KLRC2: variants seen among roughly 807,000 people sequenced by gnomAD.
KLRC2 encodes NKG2-C type II integral membrane protein.
Under a neutral mutation model 25.5 loss-of-function variants are expected in KLRC2, and 10 were observed. That is an observed-to-expected ratio of 0.39 (90% confidence interval 0.24 to 0.67). The LOEUF is 0.67. Ranked by LOEUF, KLRC2 falls within the 30% of genes least tolerant of loss-of-function variation. KLRC2 has a pLI of 0.45. For missense variants in KLRC2, 170 were observed against 272.8 expected, an observed-to-expected ratio of 0.62 and a Z score of 2.65; for synonymous variants, 48 against 93.3, an observed-to-expected ratio of 0.51 and a Z score of 2.80.
At position 10,431,175 on chromosome 12, in the gene KLRC2, C is replaced by G. The variant is rs1321981788; in HGVS notation, c.638G>C (p.Arg213Pro). Residue 213 changes from arginine (R) to proline (P), a missense_variant, in exon 6 of 6, where the codon CGA becomes CCA. Arg to Pro is a moderately radical substitution (Grantham distance 103). Transcript: ENST00000381902. The part of the protein sequence containing the change: ...ELNCAVLQVN[R>P]LKSAQCGSSM... Reference sequence around the variant, plus strand: ...AGATCCACACTGGGCTGATTTAAGTCGATTTACTTGTAGCACTGCACAGTT... The same window carrying G: ...AGATCCACACTGGGCTGATTTAAGTGGATTTACTTGTAGCACTGCACAGTT... 2 of 1,549,254 alleles carry G rather than the reference C, an allele frequency of 1.3e-6. No homozygotes were observed. The highest frequency in any genetic ancestry group is 1.8e-6 in the Non-Finnish European group (2 of 1,134,984).
At chr12:10,433,572 C>T (rs1307963747) in intron 4 of KLRC2, among the ~76,000 whole-genome samples, 6 of 141,934 alleles carry the variant, frequency 4.2e-5, no homozygotes, top group African/African-American at 1.3e-4. Context: ...ATTCAAAGCA[C>T]TTATAGAAGC....
At chr12:10,434,143 T>A in intron 3 of KLRC2, 1 of 921,788 alleles carries the variant, frequency 1.1e-6, no homozygotes, top group Admixed American at 2.3e-5. Flanking sequence ...CTAATTGTGT[T>A]CCCATATAAA....
intron 4 of KLRC2, among the ~76,000 whole-genome samples, chr12:10,432,657 A>T (rs1176021934): frequency 7.3e-6 from 1 of 137,858 alleles, no homozygotes; most frequent in African/African-American, 2.8e-5. Context: ...TTTTTATCCG[A>T]TTCGGTTTTT....
chr12:10,435,856 T>C lies in KLRC2; in HGVS notation c.131A>G (p.Asn44Ser), dbSNP rs574094142. The change falls in exon 1 of 6, where the codon AAT (asparagine) becomes AGT (serine). Residue 44 changes from asparagine (N) to serine (S), a missense_variant. Around this residue, in one of 3 missense-constraint regions of KLRC2, gnomAD observed 37 missense variants for 68.0 expected, o/e 0.54. Coordinates refer to ENST00000381902, the MANE Select transcript of KLRC2 (RefSeq NM_002260.4). The part of the protein sequence containing the change: ...TEQEIFQVEL[N>S]LQNPSLNHQG... ...ATGATTCAGGGAAGGATTTTGAAGA[T>C]TTAATTCTACTTGGAATATTTCCTG... 1 of 1,556,492 alleles carries C rather than the reference T, an allele frequency of 6.4e-7. No individual in the cohort carries two copies. The highest frequency in any genetic ancestry group is 8.8e-7 in the Non-Finnish European group (1 of 1,139,636).
intron 3 of KLRC2, 179 bp from the exon 4 acceptor site, chr12:10,434,121 A>C: frequency 9.5e-7 from 1 of 1,052,424 alleles, no homozygotes; most frequent in Non-Finnish European, 1.4e-6. Flanking sequence ...GACAAGGGTT[A>C]GCCTCTCCTC....
At chr12:10,434,036 T>G in intron 3 of KLRC2, 94 bp from the exon 4 acceptor site, 5 of 1,448,814 alleles carry the variant, frequency 3.5e-6, no homozygotes, top group Non-Finnish European at 4.7e-6. Flanking sequence ...TATATGTGCT[T>G]AACATATTTA....
rs769467296 is a variant in KLRC2, at chr12:10,433,360, T to C, written c.483+431A>G. 1.3e-4 allele frequency among the ~76,000 whole-genome samples: 18 copies of C among 142,248 alleles called. 5 individuals are homozygous for C. Among genetic ancestry groups the C allele is most frequent in the Non-Finnish European group, 2.2e-4 (14 of 64,870 alleles). 93.3% of individuals were successfully genotyped at this position (142,248 alleles called of 152,430 possible). On this transcript the variant is annotated intron_variant, in intron 4 of 5. Coordinates refer to ENST00000381902, the MANE Select transcript of KLRC2 (RefSeq NM_002260.4). ...AAATTCAAGAACAGGCAATCATTAT[T>C]TATAATATTAAAAGTCAAGACTGCG...
rs143264024 is a variant in KLRC2 at position 10,434,494 on chromosome 12, G to T, written c.323C>A (p.Thr108Lys). 1.3e-6 allele frequency: 2 copies of T among 1,572,540 alleles called. No homozygotes were observed. The highest frequency in any genetic ancestry group is 2.2e-5 in the South Asian group (2 of 90,312). The change falls in exon 3 of 6, where the codon ACG becomes AAG. Residue 108 changes from threonine (T) to lysine (K), a missense_variant. Physicochemically the swap from Thr to Lys is moderately conservative, Grantham distance 78 (BLOSUM62 -1). Around this residue, in one of 3 missense-constraint regions of KLRC2, gnomAD observed 129 missense variants for 150.2 expected, o/e 0.86. Coordinates refer to ENST00000381902, the MANE Select transcript of KLRC2 (RefSeq NM_002260.4). The stretch of plus-strand genomic sequence containing the variant: ...TGAAAATAAAAATGTACCTTTCTGC[G>T]TTCTTGTATTCGGGGAAAAATTGTT... The part of the protein sequence containing the change: ...EQNNFSPNTR[T>K]QKARHCGHCP...
rs1207391617 is a variant in KLRC2, at chr12:10,431,413, T to A, written c.585-185A>T. 21 of 691,000 alleles carry A rather than the reference T, an allele frequency of 3.0e-5. 5 individuals carry two copies. In the East Asian group the frequency reaches 7.3e-4, roughly 24 times the overall value. The allele number at this position is 691,000 out of a possible 1,614,324, so 42.8% of individuals were successfully genotyped here. A position where few individuals can be genotyped will look rare whatever the true frequency, so the allele number is the denominator to read the frequency against. ...AGTCCCTCTTCATCCACGAGGGATA[T>A]GTTTCAAGACCCCAGTGGATGCCTG... On this transcript the variant is annotated intron_variant, in intron 5 of 5. Transcript: ENST00000381902.
chr12:10,432,175 C>T lies in KLRC2; in HGVS notation c.515G>A (p.Trp172Ter). 2 of 1,493,470 alleles carry T rather than the reference C, an allele frequency of 1.3e-6. No homozygotes were observed. The highest frequency in any genetic ancestry group is 1.2e-5 in the South Asian group (1 of 81,268). 92.5% of individuals were successfully genotyped at this position (1,493,470 alleles called of 1,614,324 possible). The change falls in exon 5 of 6, where the codon TGG (tryptophan) becomes TAG (stop). Residue 172 changes from tryptophan (W) to a stop codon, truncating the protein, a stop_gained. Transcript: ENST00000381902. LOFTEE classifies it high-confidence loss of function. ...ACTGCTGTTACGAAACACACCAATC[C>T]ATGAGGAAGGTAAAATGCTGGCCAG... ...KFLASILPSS[W>*]IGVFRNSSHH...
intron 2 of KLRC2, chr12:10,434,896 C>T: frequency 2.8e-6 from 1 of 360,134 alleles, no homozygotes; most frequent in Non-Finnish European, 5.2e-6. Flanking sequence ...ATGTTCTCTA[C>T]AATGATTTTG....
At chr12:10,432,287 T>C (rs1863824846) in intron 4 of KLRC2, 81 bp from the exon 5 acceptor site, 1 of 922,570 alleles carries the variant, frequency 1.1e-6, no homozygotes, top group African/African-American at 2.0e-5. Flanking sequence ...TGAAAACCAC[T>C]ATTTGCAGTG....
In KLRC2 at chr12:10,433,933, C is replaced by A. The variant is rs1452165466; in HGVS notation, c.341G>T (p.Cys114Phe). ...AATCCACTCCTCAGGACAATGGCCACAATGACGTGCTAATAAAGATATGAA... is the reference window on the plus strand; with the variant it reads ...AATCCACTCCTCAGGACAATGGCCAAAATGACGTGCTAATAAAGATATGAA... ...PNTRTQKARH[C>F]GHCPEEWITY... is the part of the protein sequence containing the mutation. Residue 114 changes from cysteine (C) to phenylalanine (F), a missense_variant, in exon 4 of 6, where the codon TGT (cysteine) becomes TTT (phenylalanine). By Grantham distance (205) the Cys-to-Phe change is radical (BLOSUM62 -2). Coordinates refer to ENST00000381902, the MANE Select transcript of KLRC2 (RefSeq NM_002260.4). 1 of 1,546,236 alleles carries A rather than the reference C, an allele frequency of 6.5e-7. No individual in the cohort carries two copies. Among genetic ancestry groups the A allele is most frequent in the Non-Finnish European group, 8.8e-7 (1 of 1,134,538 alleles).
Position 10,433,742 on chromosome 12 carries a change from T to C in KLRC2, c.483+49A>G. 4 of 1,497,132 alleles carry C rather than the reference T, an allele frequency of 2.7e-6. 1 individual carries two copies. In the Middle Eastern group the frequency reaches 5.3e-4, roughly 199 times the overall value. The allele number at this position is 1,497,132 out of a possible 1,614,324, so 92.7% of individuals were successfully genotyped here. A position where few individuals can be genotyped will look rare whatever the true frequency, so the allele number is the denominator to read the frequency against. ...ATGGATGTTTTCTACAAATGTATTA[T>C]TCACTGAAGGAAGCTTTTCATAAAA... On this transcript the variant is annotated intron_variant, in intron 4 of 5. Coordinates refer to ENST00000381902, the MANE Select transcript of KLRC2 (RefSeq NM_002260.4).
chr12:10,434,047 C>T lies in KLRC2; in HGVS notation c.332-105G>A, dbSNP rs528866769. On this transcript the variant is annotated intron_variant, in intron 3 of 5. Coordinates refer to ENST00000381902, the MANE Select transcript of KLRC2 (RefSeq NM_002260.4). ...AACATATATGTGCTTAACATATTTA[C>T]GCATCCTTACAGGCTTATAAATGTA... is the stretch of plus-strand genomic sequence containing the variant. The T allele has an allele frequency of 3.2e-5, 45 of 1,413,712 alleles. 6 individuals are homozygous for T. The highest frequency in any genetic ancestry group is 6.2e-5 in the African/African-American group (4 of 64,346). The allele number at this position is 1,413,712 out of a possible 1,614,324, so 87.6% of individuals were successfully genotyped here.
At chr12:10,431,526 AC>A (rs1207322206) in intron 5 of KLRC2, among the ~76,000 whole-genome samples, 1 of 142,082 alleles carries the variant, frequency 7.0e-6, no homozygotes, top group Non-Finnish European at 1.5e-5. Context: ...TAAATTAGGC[AC>A]AATAAGAGAT....
At chr12:10,431,447 G>T (rs1863813925) in intron 5 of KLRC2, 5 of 527,972 alleles carry the variant, frequency 9.5e-6, no homozygotes, top group Non-Finnish European at 3.4e-6. Context: ...TGAAATGGCA[G>T]ATAGTGCAGA....
Position 10,430,821 on chromosome 12 carries a change from CT to C in KLRC2, c.*295del, listed in dbSNP as rs1387152283. 5.3e-6 allele frequency: 2 copies of C among 380,248 alleles called. 1 individual carries two copies. The highest frequency in any genetic ancestry group is 4.9e-5 in the African/African-American group (2 of 41,056). The allele number at this position is 380,248 out of a possible 1,614,324, so 23.6% of individuals were successfully genotyped here. On this transcript the variant is annotated 3_prime_UTR_variant, in exon 6 of 6. Coordinates refer to ENST00000381902, the MANE Select transcript of KLRC2 (RefSeq NM_002260.4). ...TGAGACATTGGCAACCACTATTCTA[CT>C]TTCTGTCTCCATGGGTTTGACTGTT...
rs746862720 is a variant in KLRC2, at chr12:10,434,950, G to C, written c.286+362C>G. 3 of 633,762 alleles carry C rather than the reference G, an allele frequency of 4.7e-6. No individual in the cohort carries two copies. The South Asian group carries it at 5.5e-5, about 12-fold the overall frequency. 39.3% of individuals were successfully genotyped at this position (633,762 alleles called of 1,614,324 possible). A position where few individuals can be genotyped will look rare whatever the true frequency, so the allele number is the denominator to read the frequency against. On this transcript the variant is annotated intron_variant, in intron 2 of 5. Transcript: ENST00000381902. Reference sequence around the variant, plus strand: ...ATTCAGAATAACCATATTACTTTTGGTTCCAAATTGTACTAATATCAGAAC... The same window carrying C: ...ATTCAGAATAACCATATTACTTTTGCTTCCAAATTGTACTAATATCAGAAC...
Sources: allele counts gnomAD v4.1 joint callset (sites outside exome capture counted in the v4.1 genomes callset), GRCh38; gene constraint gnomAD v4.1.1; regional missense constraint gnomAD v4.1.1; transcripts MANE v1.5; gene names NCBI Gene and HGNC (gene_info 2026-07-23, HGNC 2026-07-21).